IGSF11: variants seen among roughly 807,000 people sequenced by gnomAD.
IGSF11 encodes CXADR like 1.
IGSF11 carries 22 observed loss-of-function variants against 41.0 expected under a neutral mutation model. The observed-to-expected ratio is 0.54, with a 90% confidence interval of 0.38 to 0.77. The LOEUF (loss-of-function observed/expected upper bound fraction) is 0.77. Ranked by LOEUF, IGSF11 falls within the 30% of genes least tolerant of loss-of-function variation. IGSF11 has a pLI of 0.00. For missense variants in IGSF11, 444 were observed against 530.8 expected, an observed-to-expected ratio of 0.84 and a Z score of 1.61; for synonymous variants, 219 against 201.3, an observed-to-expected ratio of 1.09 and a Z score of -0.74.
At chr3:119,003,958 C>G (rs1402628784) in intron 1 of IGSF11, among the ~76,000 whole-genome samples, 3 of 151,214 alleles carry the variant, frequency 2.0e-5, no homozygotes, top group Non-Finnish European at 4.4e-5. Context: ...GCTTTGGTAT[C>G]AGAATGATGT....
chr3:119,054,216 G>C (rs1422109539), intron 1 of IGSF11, among the ~76,000 whole-genome samples: 1 of 152,148 alleles, frequency 6.6e-6, no homozygotes, highest in Non-Finnish European at 1.5e-5. Flanking sequence ...ATAATCAGCA[G>C]AGTAAACAGG....
intron 1 of IGSF11, among the ~76,000 whole-genome samples, chr3:119,071,849 T>A (rs2076404889): frequency 6.6e-6 from 1 of 152,184 alleles, no homozygotes; most frequent in Admixed American, 6.5e-5. Flanking sequence ...AGAATCAGCT[T>A]GTCAATTTCT....
At chr3:119,040,524 C>T (rs1941080032) in intron 1 of IGSF11, among the ~76,000 whole-genome samples, 1 of 152,240 alleles carries the variant, frequency 6.6e-6, no homozygotes, top group East Asian at 1.9e-4. Context: ...CAGTTAACAT[C>T]ATCCTTCTAA....
chr3:118,902,955 A>G lies in IGSF11; in HGVS notation c.861T>C (p.Asp287=), dbSNP rs1183913645. 1 of 1,613,048 alleles carries G rather than the reference A, an allele frequency of 6.2e-7. No individual in the cohort carries two copies. Among genetic ancestry groups the G allele is most frequent in the African/African-American group, 1.3e-5 (1 of 74,900 alleles). Residue 287 remains aspartate (D), a synonymous_variant, in exon 7 of 7, where the codon GAT becomes GAC. Transcript: ENST00000393775. The part of the protein sequence containing the change: ...EEEIPNEIRE[D]DLPPKCSSAK... ...CAGAAGAACACTTGGGTGGAAGATC[A>G]TCCTCTCTGAAAGGAACAAAATAAA...
intron 1 of IGSF11, among the ~76,000 whole-genome samples, chr3:119,071,392 C>G (rs74371732): frequency 6.6e-6 from 1 of 152,104 alleles, no homozygotes; most frequent in African/African-American, 2.4e-5. Flanking sequence ...TTTAAGAAAG[C>G]ATTCCTTAAT....
chr3:119,031,379 T>C (rs1404361873), intron 1 of IGSF11, among the ~76,000 whole-genome samples: 1 of 152,244 alleles, frequency 6.6e-6, no homozygotes, highest in Non-Finnish European at 1.5e-5. Context: ...TTGCTTTGTA[T>C]TACTCACTGC....
chr3:119,002,633 T>C (rs1187815289), intron 1 of IGSF11, among the ~76,000 whole-genome samples: 1 of 142,624 alleles, frequency 7.0e-6, no homozygotes, highest in Non-Finnish European at 1.5e-5. Flanking sequence ...TTAATCCATC[T>C]TGAATTGATT....
At chr3:118,942,454 G>T (rs533156263) in intron 1 of IGSF11, among the ~76,000 whole-genome samples, 1 of 152,106 alleles carries the variant, frequency 6.6e-6, no homozygotes, top group Non-Finnish European at 1.5e-5. Context: ...GTTCTGTCAC[G>T]TTTCTTCTTT....
intron 1 of IGSF11, among the ~76,000 whole-genome samples, chr3:118,997,346 T>G (rs1936369794): frequency 6.6e-6 from 1 of 152,198 alleles, no homozygotes; most frequent in African/African-American, 2.4e-5. Context: ...TTAGAAAGAT[T>G]AAAGTGTCTC....
At chr3:119,003,248 G>A (rs1482194364) in intron 1 of IGSF11, among the ~76,000 whole-genome samples, 1 of 141,740 alleles carries the variant, frequency 7.1e-6, no homozygotes, top group Non-Finnish European at 1.5e-5. Context: ...GTGAATGGGA[G>A]TTCACTCATG....
intron 1 of IGSF11, 109 bp from the exon 2 acceptor site, chr3:118,930,384 A>AT: frequency 1.9e-6 from 2 of 1,070,548 alleles, no homozygotes; most frequent in Non-Finnish European, 2.6e-6. Context: ...TGATTATGTG[A>AT]ACAGACTGAC....
At chr3:119,132,459 A>T (rs2077497496) in intron 1 of IGSF11, among the ~76,000 whole-genome samples, 1 of 151,778 alleles carries the variant, frequency 6.6e-6, no homozygotes, top group African/African-American at 2.4e-5. Flanking sequence ...ACCAACAAAG[A>T]TGAAAAGGGA....
intron 1 of IGSF11, among the ~76,000 whole-genome samples, chr3:119,132,645 C>A (rs1013034589): frequency 6.6e-6 from 1 of 152,058 alleles, no homozygotes; most frequent in Non-Finnish European, 1.5e-5. Context: ...ATCCCACTGT[C>A]AATAGTAGAC....
intron 1 of IGSF11, among the ~76,000 whole-genome samples, chr3:118,949,818 G>A (rs902464173): frequency 3.9e-5 from 6 of 152,176 alleles, no homozygotes; most frequent in Admixed American, 3.9e-4. Context: ...CACAGCCCCA[G>A]GAGAAAGGAT....
At chr3:119,051,716 C>A (rs1941635672) in intron 1 of IGSF11, among the ~76,000 whole-genome samples, 1 of 152,076 alleles carries the variant, frequency 6.6e-6, no homozygotes, top group South Asian at 2.1e-4. Context: ...CAAGATAGAC[C>A]ATATGATAGG....
intron 4 of IGSF11, among the ~76,000 whole-genome samples, chr3:118,913,244 A>G (rs969773352): frequency 4.6e-5 from 7 of 152,168 alleles, no homozygotes; most frequent in Non-Finnish European, 1.0e-4. Context: ...ATAAAGAAAG[A>G]AGAGAAAAGG....
intron 1 of IGSF11, among the ~76,000 whole-genome samples, chr3:119,079,806 C>G (rs1422455489): frequency 6.6e-6 from 1 of 152,180 alleles, no homozygotes; most frequent in Non-Finnish European, 1.5e-5. Flanking sequence ...ACCGCATGTT[C>G]TCTTCTGCAA....
intron 1 of IGSF11, among the ~76,000 whole-genome samples, chr3:118,950,212 T>C (rs1014308052): frequency 3.3e-5 from 5 of 152,142 alleles, no homozygotes; most frequent in Non-Finnish European, 7.4e-5. Context: ...GGCTCCATCA[T>C]GAATGGCAAA....
rs1936092904 is a variant in IGSF11, at chr3:118,994,601, T to C, written c.52+39930A>G. On this transcript the variant is annotated intron_variant, in intron 1 of 6. Coordinates refer to ENST00000393775, the MANE Select transcript of IGSF11 (RefSeq NM_001015887.3). ...TAAGCCTGGGAGGTTGAGCCTGCAG[T>C]GATTCAAGATCGCACCACTGCACTC... 2.0e-5 allele frequency among the ~76,000 whole-genome samples: 3 copies of C among 152,138 alleles called. No individual in the cohort carries two copies. The South Asian group carries it at 6.2e-4, about 32-fold the overall frequency.
Sources: allele counts gnomAD v4.1 joint callset (sites outside exome capture counted in the v4.1 genomes callset), GRCh38; gene constraint gnomAD v4.1.1; transcripts MANE v1.5; gene names NCBI Gene and HGNC (gene_info 2026-07-23, HGNC 2026-07-21).